The following CYFIP1 variants were observed in gnomAD, a reference collection of about 807,000 sequenced individuals.
CYFIP1 encodes the protein cytoplasmic FMR1 interacting protein 1, also known as cytoplasmic FMR1-interacting protein 1.
A neutral mutation model predicts 163.5 loss-of-function variants in CYFIP1; 58 were observed. The observed-to-expected ratio is 0.35, with a 90% CI of 0.29 to 0.44. CYFIP1 has a LOEUF of 0.44. CYFIP1 is among the 20% of genes least tolerant of loss of function. CYFIP1 has a pLI of 1.00. For missense variants in CYFIP1, 1,338 were observed against 1,653.8 expected, an observed-to-expected ratio of 0.81 and a Z score of 3.31; for synonymous variants, 663 against 660.7, an observed-to-expected ratio of 1.00 and a Z score of -0.05.
At chr15:22,883,795 T>C (rs1023075391) in intron 23 of CYFIP1, among the ~76,000 whole-genome samples, 9 of 114,176 alleles carry the variant, frequency 7.9e-5, no homozygotes, top group East Asian at 5.0e-4. Context: ...CCAGCCCGGG[T>C]GACAGAACGA....
chr15:22,927,990 C>T lies in CYFIP1; in HGVS notation c.1149G>A (p.Thr383=), dbSNP rs554776848. The T allele has an allele frequency of 5.0e-6, 8 of 1,593,972 alleles. No individual in the cohort carries two copies. Among genetic ancestry groups the T allele is most frequent in the African/African-American group, 2.7e-5 (2 of 74,244 alleles). The change falls in exon 12 of 31, where the codon ACG becomes ACA. Residue 383 remains threonine (T), a synonymous_variant. Coordinates refer to ENST00000617928, the MANE Select transcript of CYFIP1 (RefSeq NM_014608.6). ...TGSGRQEAQK[T]DAEYRKLFDL... The stretch of plus-strand genomic sequence containing the variant: ...CGAAGAGCTTGCGGTACTCCGCGTC[C>T]GTCTTCTGGGCCTCCTGGCGGCCCG...
At chr15:22,963,531 T>TAACATAACATAACA (rs2062773027) in intron 1 of CYFIP1, among the ~76,000 whole-genome samples, 1 of 144,612 alleles carries the variant, frequency 6.9e-6, no homozygotes, top group African/African-American at 2.5e-5. Context: ...TAACATAACA[T>TAACATAACATAACA]AACATAACAT....
At chr15:22,935,588 A>T (rs1465687161) in intron 9 of CYFIP1, among the ~76,000 whole-genome samples, 2 of 152,204 alleles carry the variant, frequency 1.3e-5, no homozygotes, top group Admixed American at 1.3e-4. Flanking sequence ...TCTGTTCAGC[A>T]AATGACACCA....
At chr15:22,952,633 C>T (rs532952167) in intron 1 of CYFIP1, among the ~76,000 whole-genome samples, 2 of 104,670 alleles carry the variant, frequency 1.9e-5, no homozygotes, top group South Asian at 3.3e-4. Flanking sequence ...CCAACCCCAG[C>T]GACAGAGTGA....
At chr15:22,909,783 C>T (rs1174556737) in intron 20 of CYFIP1, among the ~76,000 whole-genome samples, 1 of 151,766 alleles carries the variant, frequency 6.6e-6, no homozygotes, top group East Asian at 1.9e-4. Flanking sequence ...TTATGGGGTA[C>T]ATGAGATGTT....
chr15:22,936,580 G>A (rs1480329824), intron 9 of CYFIP1, among the ~76,000 whole-genome samples: 3 of 152,126 alleles, frequency 2.0e-5, no homozygotes, highest in East Asian at 1.9e-4. Context: ...GTGCTGGAGC[G>A]TCATCAGGCT....
intron 3 of CYFIP1, among the ~76,000 whole-genome samples, chr15:22,945,473 G>T (rs1034216624): frequency 6.6e-6 from 1 of 152,200 alleles, no homozygotes; most frequent in African/African-American, 2.4e-5. Context: ...CATCACTGCT[G>T]TAAAACTGCT....
intron 1 of CYFIP1, among the ~76,000 whole-genome samples, chr15:22,970,184 T>G (rs2063043173): frequency 1.3e-5 from 2 of 152,168 alleles, no homozygotes; most frequent in Non-Finnish European, 1.5e-5. Flanking sequence ...TTTTACTTAT[T>G]CAAGATATTA....
At position 22,936,479 on chromosome 15, in the gene CYFIP1, T is replaced by C. The variant is rs77914802; in HGVS notation, c.900+625A>G. ...CAATGCTGTACGCATCCTCAGGATA[T>C]CCCCCCACCCCAAAAAGGCAGTGCT... On this transcript the variant is annotated intron_variant, in intron 9 of 30. Coordinates refer to ENST00000617928, the MANE Select transcript of CYFIP1 (RefSeq NM_014608.6). 9.0e-3 allele frequency among the ~76,000 whole-genome samples: 1,371 copies of C among 152,132 alleles called. 20 individuals carry two copies. The highest frequency in any genetic ancestry group is 0.032 in the African/African-American group (1,326 of 41,506).
chr15:22,883,094 C>T (rs1218711156), intron 23 of CYFIP1, 83 bp from the exon 24 acceptor site: 35 of 1,513,262 alleles, frequency 2.3e-5, no homozygotes, highest in Admixed American at 8.9e-5. Context: ...TCACTCAACA[C>T]ACACAGGCTC....
chr15:22,939,142 G>GT (rs1167172849), intron 8 of CYFIP1, 50 bp downstream of exon 8: 1 of 1,609,698 alleles, frequency 6.2e-7, no homozygotes, highest in African/African-American at 1.3e-5. Flanking sequence ...ATTGACAAGA[G>GT]TAAGGCTGTC....
chr15:22,883,816 C>CA (rs34623284), intron 23 of CYFIP1, among the ~76,000 whole-genome samples: 831 of 74,626 alleles, frequency 0.011, 11 homozygotes, highest in South Asian at 0.021. Flanking sequence ...GACTTCATCT[C>CA]AAAAAAAAAA....
intron 10 of CYFIP1, among the ~76,000 whole-genome samples, chr15:22,933,376 G>T (rs576209487): frequency 1.9e-4 from 28 of 150,368 alleles, no homozygotes; most frequent in African/African-American, 6.9e-4. Context: ...GTGCAGTGGC[G>T]CGATCTCTGC....
intron 26 of CYFIP1, among the ~76,000 whole-genome samples, chr15:22,879,135 CAAA>C (rs11356601): frequency 6.1e-5 from 8 of 130,300 alleles, no homozygotes; most frequent in Admixed American, 7.8e-5. Flanking sequence ...GACTCCGTCT[CAAA>C]AAAAAAAAAA....
At position 22,917,234 on chromosome 15, in the gene CYFIP1, G is replaced by C. The variant is rs978583889; in HGVS notation, c.1674+554C>G. 1.4e-5 allele frequency: 19 copies of C among 1,405,030 alleles called. No homozygotes were observed. The highest frequency in any genetic ancestry group is 3.2e-5 in the Admixed American group (1 of 31,366). The allele number at this position is 1,405,030 out of a possible 1,614,324, so 87.0% of individuals were successfully genotyped here. ...GACTTTCCAGAAGAGTGGCAGAAGA[G>C]ATTAAAAGCCTCCGGCAGAGATGAG... On this transcript the variant is annotated intron_variant, in intron 15 of 30. Transcript: ENST00000617928. This position sits in a 1 kb window ranked among gnomAD's most constrained non-coding sequence, Gnocchi z 4.2.
At chr15:22,872,384 G>C (rs1273003223) in intron 30 of CYFIP1, among the ~76,000 whole-genome samples, 1 of 152,014 alleles carries the variant, frequency 6.6e-6, no homozygotes, top group Admixed American at 6.6e-5. Context: ...ATGTTTAACT[G>C]AAGTCCTGAA....
chr15:22,942,678 A>C (rs1379090783), intron 6 of CYFIP1, among the ~76,000 whole-genome samples: 1 of 152,128 alleles, frequency 6.6e-6, no homozygotes, highest in East Asian at 1.9e-4. Context: ...GCGCAGTGTG[A>C]CCACGAGACA....
intron 30 of CYFIP1, among the ~76,000 whole-genome samples, chr15:22,872,038 C>A (rs981669379): frequency 1.3e-5 from 2 of 152,124 alleles, no homozygotes; most frequent in African/African-American, 2.4e-5. Context: ...GTAATCCTAG[C>A]ACTTTGGGAG....
chr15:22,903,441 A>G (rs2060464493), intron 22 of CYFIP1, among the ~76,000 whole-genome samples: 1 of 152,072 alleles, frequency 6.6e-6, no homozygotes, highest in South Asian at 2.1e-4. Context: ...GACTCACCCC[A>G]CTTCCACCAT....
Sources: gnomAD v4.1 joint callset for allele counts (sites outside exome capture counted in the v4.1 genomes callset) on GRCh38, gnomAD v4.1.1 for gene constraint, Gnocchi (gnomAD v3.1) non-coding constraint, MANE v1.5 for transcripts, NCBI Gene and HGNC (gene_info 2026-07-23, HGNC 2026-07-21) for gene names.